Variants in SLC22A14 observed in about 807,000 individuals in gnomAD.
SLC22A14 encodes the protein solute carrier family 22 member 14.
SLC22A14 carries 50 observed loss-of-function variants against 53.9 expected under a neutral mutation model. The observed-to-expected ratio is 0.93, with a 90% CI of 0.74 to 1.17. The LOEUF is 1.17. Ranked by LOEUF, SLC22A14 falls within the 50% of genes most tolerant of loss-of-function variation. SLC22A14 has a pLI of 0.00. For missense variants in SLC22A14, 671 were observed against 734.7 expected, an observed-to-expected ratio of 0.91 and a Z score of 1.00; for synonymous variants, 312 against 303.0, an observed-to-expected ratio of 1.03 and a Z score of -0.31.
intron 4 of SLC22A14, 105 bp from the exon 5 acceptor site, chr3:38,308,849 T>G: frequency 9.8e-7 from 1 of 1,016,498 alleles, no homozygotes; most frequent in Non-Finnish European, 1.5e-6. Flanking sequence ...CTTTGCCTGA[T>G]CTCAACTGTC....
chr3:38,304,408 G>A (rs997585980), intron 1 of SLC22A14, among the ~76,000 whole-genome samples: 4 of 151,762 alleles, frequency 2.6e-5, no homozygotes, highest in African/African-American at 9.7e-5. Flanking sequence ...CTTTTTTTGA[G>A]ACAGGGTCTT....
chr3:38,310,368 A>G lies in SLC22A14; in HGVS notation c.944+1246A>G, dbSNP rs116707355. On this transcript the variant is annotated intron_variant, in intron 5 of 10. Transcript: ENST00000448498. ...ACTCCAGCCTGGGCAAAAGAGTGAGATCCTGTTTAAAAAAAATTTCAGTCC... is the reference window on the plus strand; with the variant it reads ...ACTCCAGCCTGGGCAAAAGAGTGAGGTCCTGTTTAAAAAAAATTTCAGTCC... Among the ~76,000 whole-genome samples the G allele has an allele frequency of 2.5e-3, 388 of 152,286 alleles. 1 individual carries two copies. Among genetic ancestry groups the G allele is most frequent in the Non-Finnish European group, 4.1e-3 (278 of 68,022 alleles).
chr3:38,306,677 G>A, intron 2 of SLC22A14, 135 bp downstream of exon 2: 1 of 839,548 alleles, frequency 1.2e-6, no homozygotes, highest in East Asian at 2.5e-5. Flanking sequence ...CAGAGGCAGG[G>A]TCTGGGCAGA....
chr3:38,290,213 T>G (rs1703881763), intron 1 of SLC22A14, among the ~76,000 whole-genome samples: 1 of 152,112 alleles, frequency 6.6e-6, no homozygotes, highest in Non-Finnish European at 1.5e-5. Context: ...CAAGTGCTGT[T>G]GGGGAGGTTG....
At position 38,304,755 on chromosome 3, in the gene SLC22A14, G is replaced by A. The variant is rs9311186; in HGVS notation, c.1-1272G>A. Among the ~76,000 whole-genome samples, 1,361 of 152,240 alleles carry A rather than the reference G, an allele frequency of 8.9e-3. 14 individuals are homozygous for A. Among genetic ancestry groups the A allele is most frequent in the African/African-American group, 0.032 (1,309 of 41,520 alleles). Reference sequence around the variant, plus strand: ...GTCATTGGTGTCCTGCAGCTTCATTGCAATGTGTCTAGCCATGGTTTTCTT... The same window carrying A: ...GTCATTGGTGTCCTGCAGCTTCATTACAATGTGTCTAGCCATGGTTTTCTT... On this transcript the variant is annotated intron_variant, in intron 1 of 10. Coordinates refer to ENST00000448498, the MANE Select transcript of SLC22A14 (RefSeq NM_001320033.2).
chr3:38,315,410 C>T, intron 8 of SLC22A14, 148 bp from the exon 9 acceptor site: 1 of 816,792 alleles, frequency 1.2e-6, no homozygotes, highest in South Asian at 1.7e-5. Context: ...GCCTTCCAGC[C>T]TGGCTGGGCC....
intron 7 of SLC22A14, 83 bp downstream of exon 7, chr3:38,313,568 C>A: frequency 1.8e-6 from 2 of 1,128,192 alleles, no homozygotes; most frequent in Non-Finnish European, 2.7e-6. Flanking sequence ...AATGGTCAGG[C>A]TGCAGGGGAG....
rs573974765 is a variant in SLC22A14 at position 38,312,898 on chromosome 3, C to T, written c.945-101C>T. On this transcript the variant is annotated intron_variant, in intron 5 of 10. Transcript: ENST00000448498. ...CAAGGCCCTGACATCTGAATCACCT[C>T]ATGCTGGCACAGGATGGCCACAGCT... is the stretch of plus-strand genomic sequence containing the variant. The T allele has an allele frequency of 8.6e-5, 126 of 1,469,700 alleles. 1 individual carries two copies. In the East Asian group the frequency reaches 2.6e-3, roughly 30 times the overall value. 91.0% of individuals were successfully genotyped at this position (1,469,700 alleles called of 1,614,324 possible).
intron 1 of SLC22A14, among the ~76,000 whole-genome samples, chr3:38,298,156 T>G (rs2125879343): frequency 6.6e-6 from 1 of 152,304 alleles, no homozygotes; most frequent in African/African-American, 2.4e-5. Flanking sequence ...ATTTGTCCAC[T>G]GGGGACACAC....
At chr3:38,298,112 A>G (rs1385001299) in intron 1 of SLC22A14, among the ~76,000 whole-genome samples, 2 of 152,130 alleles carry the variant, frequency 1.3e-5, no homozygotes, top group Admixed American at 6.6e-5. Flanking sequence ...ACATATTACT[A>G]TCATTATTTA....
intron 1 of SLC22A14, among the ~76,000 whole-genome samples, chr3:38,299,275 A>T (rs1354492654): frequency 6.6e-6 from 1 of 152,172 alleles, no homozygotes; most frequent in Non-Finnish European, 1.5e-5. Context: ...CTCAGAGAAC[A>T]GTCTCTCCCC....
At chr3:38,300,438 TC>T (rs199806612) in intron 1 of SLC22A14, among the ~76,000 whole-genome samples, 1 of 151,506 alleles carries the variant, frequency 6.6e-6, no homozygotes, top group African/African-American at 2.4e-5. Flanking sequence ...AGACTTCATC[TC>T]AAAAAAAAAT....
intron 1 of SLC22A14, among the ~76,000 whole-genome samples, chr3:38,301,261 A>G (rs145621261): frequency 1.9e-4 from 29 of 152,316 alleles, no homozygotes; most frequent in African/African-American, 7.0e-4. Context: ...TCGTTCTTTC[A>G]TATCAGGTAT....
chr3:38,281,925 C>T (rs919103593), upstream of SLC22A14, among the ~76,000 whole-genome samples: 13 of 152,136 alleles, frequency 8.5e-5, no homozygotes, highest in South Asian at 4.2e-4. Context: ...GGTCAGACCC[C>T]GGCAGCTCTG....
chr3:38,300,807 T>C (rs553721526), intron 1 of SLC22A14, among the ~76,000 whole-genome samples: 1 of 152,314 alleles, frequency 6.6e-6, no homozygotes, highest in African/African-American at 2.4e-5. Context: ...CTAGACAAGC[T>C]GGTACAATGC....
intron 1 of SLC22A14, among the ~76,000 whole-genome samples, chr3:38,284,148 C>T (rs1425562203): frequency 6.6e-6 from 1 of 152,184 alleles, no homozygotes; most frequent in South Asian, 2.1e-4. Context: ...AGGCATCCCC[C>T]TCGTGTGACT....
rs186590829 is a variant in SLC22A14, at chr3:38,317,882, G to T, written c.1734-316G>T. Among the ~76,000 whole-genome samples, 66 of 152,292 alleles carry T rather than the reference G, an allele frequency of 4.3e-4. 1 individual carries two copies. In the East Asian group the frequency reaches 9.2e-3, roughly 21 times the overall value. On this transcript the variant is annotated intron_variant, in intron 10 of 10. Transcript: ENST00000448498. ...GTAGCCCAGCCATCCTCTCCCATGG[G>T]TTTTTTTGAGAGGATTAAACCTACA...
In SLC22A14 at chr3:38,305,996, A is replaced by C. The variant is rs201738353; in HGVS notation, c.1-31A>C. 283 of 1,578,294 alleles carry C rather than the reference A, an allele frequency of 1.8e-4. 4 individuals carry two copies. The South Asian group carries it at 1.9e-3, about 11-fold the overall frequency. The stretch of plus-strand genomic sequence containing the variant: ...CTGATGTTTAGGAAGTGGTGTCAGC[A>C]GAGACTGAGCTGCACCCTTTCTTTG... On this transcript the variant is annotated intron_variant, in intron 1 of 10. Transcript: ENST00000448498.
chr3:38,313,733 C>T lies in SLC22A14; in HGVS notation c.1170C>T (p.Thr390=), dbSNP rs756187393. Residue 390 remains threonine (T), a synonymous_variant, in exon 8 of 11, where the codon ACC becomes ACT. Transcript: ENST00000448498. ...VTLVMSCVWF[T]VSYTYFTLSL... is the part of the protein sequence containing the mutation. ...GCCTCCTGGCTTCATCCAGGTTTAC[C>T]GTCAGTTACACCTATTTTACGTTGA... The T allele has an allele frequency of 1.7e-5, 27 of 1,588,300 alleles. No homozygotes were observed. The highest frequency in any genetic ancestry group is 1.4e-4 in the South Asian group (13 of 90,460).
Sources: allele counts gnomAD v4.1 joint callset (sites outside exome capture counted in the v4.1 genomes callset), GRCh38; gene constraint gnomAD v4.1.1; transcripts MANE v1.5; gene names NCBI Gene and HGNC (gene_info 2026-07-23, HGNC 2026-07-21).